The following TUB variants were observed in gnomAD, a reference collection of about 807,000 sequenced individuals.
The protein encoded by TUB is tubby protein homolog.
TUB carries 33 observed loss-of-function variants against 59.7 expected under a neutral mutation model. That is an observed-to-expected ratio of 0.55 (90% CI 0.42 to 0.74). The LOEUF is 0.74. Ranked by LOEUF, TUB falls within the 30% of genes least tolerant of loss-of-function variation. The pLI is 0.00. For synonymous variants in TUB, 293 were observed against 256.4 expected (o/e 1.14, Z -1.36); for missense variants, 659 against 672.0 (o/e 0.98, Z 0.21).
intron 2 of TUB, chr11:8,075,552 A>G (rs551370737): frequency 6.6e-6 from 1 of 152,370 alleles, no homozygotes; most frequent in South Asian, 2.1e-4. Context: ...GTAATCATAA[A>G]GCAAACTTTA....
upstream of TUB, among the ~76,000 whole-genome samples, chr11:8,081,153 T>TGCGGG (rs1166798800): frequency 0.059 from 530 of 8,948 alleles, 2 homozygotes; most frequent in Non-Finnish European, 0.099. Context: ...GTGGGGTCTC[T>TGCGGG]GCGGGGCGGG....
rs892846825 is a variant in TUB, at chr11:8,104,064, G to A, written c.*2445G>A. Reference sequence around the variant, plus strand: ...GCTGAGTGCACTCCTGGTGATCCTGGTTTTCCTTGACCACTGGCCCTGGGG... The same window carrying A: ...GCTGAGTGCACTCCTGGTGATCCTGATTTTCCTTGACCACTGGCCCTGGGG... On this transcript the variant is annotated 3_prime_UTR_variant, in exon 12 of 12. Coordinates refer to ENST00000299506, the MANE Select transcript of TUB (RefSeq NM_177972.3). The A allele has an allele frequency of 6.6e-6, 1 of 152,222 alleles. No homozygotes were observed. Among genetic ancestry groups the A allele is most frequent in the African/African-American group, 2.4e-5 (1 of 41,454 alleles). 9.4% of individuals were successfully genotyped at this position (152,222 alleles called of 1,614,324 possible).
chr11:8,100,770 G>T (rs947718497), intron 10 of TUB, 56 bp from the exon 11 acceptor site: 8 of 1,602,276 alleles, frequency 5.0e-6, no homozygotes, highest in Non-Finnish European at 6.0e-6. Context: ...ATCCCTTTCT[G>T]GGGTGGTCAT....
intron 2 of TUB, among the ~76,000 whole-genome samples, chr11:8,047,869 T>C (rs1942861179): frequency 2.0e-5 from 3 of 152,156 alleles, no homozygotes; most frequent in African/African-American, 7.2e-5. Context: ...GATTTTAGAA[T>C]AGGATGTGAT....
chr11:8,061,216 G>A (rs555763790), intron 2 of TUB, among the ~76,000 whole-genome samples: 5 of 152,366 alleles, frequency 3.3e-5, no homozygotes, highest in South Asian at 4.1e-4. Flanking sequence ...TGGCATCAGC[G>A]ACGATGCCAC....
At chr11:8,060,329 G>A (rs1323024879) in intron 2 of TUB, among the ~76,000 whole-genome samples, 1 of 152,196 alleles carries the variant, frequency 6.6e-6, no homozygotes, top group Non-Finnish European at 1.5e-5. Flanking sequence ...CTCCGTACAG[G>A]AAAACCAGAG....
At chr11:8,087,172 C>G (rs997231621) in intron 1 of TUB, among the ~76,000 whole-genome samples, 3 of 152,208 alleles carry the variant, frequency 2.0e-5, no homozygotes, top group African/African-American at 7.2e-5. Flanking sequence ...CTGGAAATAC[C>G]TTTAGTCAGT....
At chr11:8,040,238 A>G (rs1942724860) in intron 2 of TUB, among the ~76,000 whole-genome samples, 1 of 152,226 alleles carries the variant, frequency 6.6e-6, no homozygotes, top group Non-Finnish European at 1.5e-5. Context: ...TGTTGTTTAC[A>G]CATGTTGGGG....
chr11:8,037,185 G>T (rs1033982812), upstream of TUB, among the ~76,000 whole-genome samples: 1 of 152,188 alleles, frequency 6.6e-6, no homozygotes, highest in African/African-American at 2.4e-5. Flanking sequence ...CTGTGCGTGT[G>T]CCCCTTGCAC....
At chr11:8,049,634 AC>A (rs1464522479) in intron 2 of TUB, among the ~76,000 whole-genome samples, 1 of 149,668 alleles carries the variant, frequency 6.7e-6, no homozygotes, top group Non-Finnish European at 1.5e-5. Context: ...AAATAAAATC[AC>A]ATTACTTTTA....
chr11:8,054,105 A>T (rs1007984216), intron 2 of TUB, among the ~76,000 whole-genome samples: 1 of 151,820 alleles, frequency 6.6e-6, no homozygotes. Context: ...ACAGAGCGAG[A>T]CTCTGTCTCA....
intron 1 of TUB, among the ~76,000 whole-genome samples, chr11:8,030,195 G>A (rs1942550776): frequency 6.6e-6 from 1 of 152,184 alleles, no homozygotes; most frequent in Admixed American, 6.5e-5. Context: ...TTTCCAGATA[G>A]GGTCACTGGA....
Position 8,100,936 on chromosome 11 carries a change from C to T in TUB, c.1326C>T (p.Asn442=), listed in dbSNP as rs1440274963. The change falls in exon 11 of 12, where the codon AAC becomes AAT. Residue 442 remains asparagine, a synonymous_variant. Coordinates refer to ENST00000299506, the MANE Select transcript of TUB (RefSeq NM_177972.3). ...WNDDTQSYVL[N]FHGRVTQASV... is the part of the protein sequence containing the mutation. ...ATGACACACAGTCCTATGTACTCAA[C>T]TTCCATGGGCGCGTCACACAGGCCT... The T allele has an allele frequency of 8.1e-6, 13 of 1,614,178 alleles. No individual in the cohort carries two copies. Among genetic ancestry groups the T allele is most frequent in the Non-Finnish European group, 1.0e-5 (12 of 1,180,032 alleles).
chr11:8,045,414 T>C (rs1196256459), intron 2 of TUB, among the ~76,000 whole-genome samples: 1 of 152,236 alleles, frequency 6.6e-6, no homozygotes, highest in Non-Finnish European at 1.5e-5. Context: ...AATGCCTGGG[T>C]AATTTTTGAT....
rs1354585814 is a variant in TUB at position 8,106,002 on chromosome 11, T to C, written c.*4383T>C. The C allele has an allele frequency of 6.6e-6, 1 of 152,254 alleles. No homozygotes were observed. Among genetic ancestry groups the C allele is most frequent in the Non-Finnish European group, 1.5e-5 (1 of 68,042 alleles). The allele number at this position is 152,254 out of a possible 1,614,324, so 9.4% of individuals were successfully genotyped here. ...TGCACAAGATTGTCTTTTCCTATTT[T>C]GGAGTGGTCAGACATTTTATTTTTG... On this transcript the variant is annotated 3_prime_UTR_variant, in exon 12 of 12. Coordinates refer to ENST00000299506, the MANE Select transcript of TUB (RefSeq NM_177972.3).
intron 9 of TUB, among the ~76,000 whole-genome samples, chr11:8,099,442 G>A (rs958962501): frequency 1.3e-5 from 2 of 152,112 alleles, no homozygotes; most frequent in African/African-American, 4.8e-5. Flanking sequence ...GGCACTTCTT[G>A]GAGGCCATCA....
Position 8,094,308 on chromosome 11 carries a change from C to A in TUB, c.397+119C>A, listed in dbSNP as rs971910104. 3.2e-5 allele frequency: 42 copies of A among 1,301,166 alleles called. No individual in the cohort carries two copies. In the African/African-American group the frequency reaches 4.6e-4, roughly 14 times the overall value. The allele number at this position is 1,301,166 out of a possible 1,614,324, so 80.6% of individuals were successfully genotyped here. ...AGGATGAACAGCCTCAGGGAAGACACAGACTGCCACTCTGGGCACCCCCTC... is the reference window on the plus strand; with the variant it reads ...AGGATGAACAGCCTCAGGGAAGACAAAGACTGCCACTCTGGGCACCCCCTC... On this transcript the variant is annotated intron_variant, in intron 4 of 11. Coordinates refer to ENST00000299506, the MANE Select transcript of TUB (RefSeq NM_177972.3).
At position 8,095,541 on chromosome 11, in the gene TUB, C is replaced by T. The variant is rs1396929906; in HGVS notation, c.441C>T (p.Ala147=). Residue 147 remains alanine (A), a synonymous_variant, in exon 5 of 12, where the codon GCC becomes GCT. Coordinates refer to ENST00000299506, the MANE Select transcript of TUB (RefSeq NM_177972.3). ...PAALAEDKSE[A]QGPVQILTVG... is the part of the protein sequence containing the mutation. The stretch of plus-strand genomic sequence containing the variant: ...CACTGGCAGAAGACAAGTCTGAGGC[C>T]CAAGGCCCAGTGCAGATTCTGACTG... The T allele has an allele frequency of 1.2e-6, 2 of 1,613,116 alleles. No individual in the cohort carries two copies. Among genetic ancestry groups the T allele is most frequent in the Admixed American group, 1.7e-5 (1 of 60,028 alleles).
At chr11:8,065,261 A>G (rs1413905998) in intron 2 of TUB, among the ~76,000 whole-genome samples, 6 of 152,180 alleles carry the variant, frequency 3.9e-5, no homozygotes, top group Admixed American at 3.9e-4. Context: ...GGAAGGAAGC[A>G]GACTCCCTTT....
Sources: gnomAD v4.1 joint callset for allele counts (sites outside exome capture counted in the v4.1 genomes callset) on GRCh38, gnomAD v4.1.1 for gene constraint, MANE v1.5 for transcripts, NCBI Gene and HGNC (gene_info 2026-07-23, HGNC 2026-07-21) for gene names.